CADM2: variants seen among roughly 807,000 people sequenced by gnomAD.
The protein encoded by CADM2 is immunoglobulin superfamily member 4D.
Under a neutral mutation model 49.8 loss-of-function variants are expected in CADM2, and 12 were observed. That is an observed-to-expected ratio of 0.24 (90% CI 0.15 to 0.39). The LOEUF (loss-of-function observed/expected upper bound fraction) is 0.39. Ranked by LOEUF, CADM2 falls within the 10% of genes least tolerant of loss-of-function variation. The pLI is 1.00. For synonymous variants in CADM2, 214 were observed against 175.4 expected (o/e 1.22, Z -1.74); for missense variants, 378 against 492.3 (o/e 0.77, Z 2.20).
At chr3:85,243,799 CT>C (rs1374904348) in intron 1 of CADM2, among the ~76,000 whole-genome samples, 2 of 152,014 alleles carry the variant, frequency 1.3e-5, no homozygotes, top group Admixed American at 1.3e-4. Context: ...TCTTTATGGA[CT>C]TTTCATGATC....
intron 3 of CADM2, among the ~76,000 whole-genome samples, chr3:85,851,376 G>A (rs1385505021): frequency 1.3e-5 from 2 of 151,800 alleles, no homozygotes; most frequent in African/African-American, 4.8e-5. Context: ...GTCTTTTCAT[G>A]TAAAATCACT....
rs375496251 is a variant in CADM2, at chr3:86,064,939, A to T, written c.971-666A>T. Among the ~76,000 whole-genome samples, 12 of 152,320 alleles carry T rather than the reference A, an allele frequency of 7.9e-5. 1 individual carries two copies. In the East Asian group the frequency reaches 1.9e-3, roughly 25 times the overall value. The stretch of plus-strand genomic sequence containing the variant: ...TCTTCCTCTATCAACAGCATTTAAC[A>T]GTCTCAACCCCTGCTTTCCCGCCAA... On this transcript the variant is annotated intron_variant, in intron 8 of 9. Coordinates refer to ENST00000383699, the MANE Select transcript of CADM2 (RefSeq NM_001167675.2).
intron 1 of CADM2, among the ~76,000 whole-genome samples, chr3:85,057,793 T>C (rs1559638745): frequency 6.6e-6 from 1 of 152,186 alleles, no homozygotes; most frequent in Non-Finnish European, 1.5e-5. Context: ...AGCCCTCCTT[T>C]ATTGAATAGT....
chr3:85,066,397 C>T (rs1441356653), intron 1 of CADM2, among the ~76,000 whole-genome samples: 2 of 151,748 alleles, frequency 1.3e-5, no homozygotes, highest in Non-Finnish European at 2.9e-5. Flanking sequence ...AAAAAAAATC[C>T]CCAAAGTGCT....
At chr3:84,999,300 A>G (rs550181795) in intron 1 of CADM2, among the ~76,000 whole-genome samples, 1 of 152,248 alleles carries the variant, frequency 6.6e-6, no homozygotes, top group East Asian at 1.9e-4. Context: ...ATTTTTGTCA[A>G]CCAATCAATA....
At chr3:85,517,017 A>G (rs189184354) in intron 1 of CADM2, among the ~76,000 whole-genome samples, 5 of 152,096 alleles carry the variant, frequency 3.3e-5, no homozygotes, top group Admixed American at 6.5e-5. Flanking sequence ...ACAATTTTCT[A>G]ACAATATATT....
chr3:85,457,151 G>A (rs1282271390), intron 1 of CADM2, among the ~76,000 whole-genome samples: 3 of 152,126 alleles, frequency 2.0e-5, no homozygotes, highest in South Asian at 2.1e-4. Flanking sequence ...AGTGGCTCAC[G>A]CCTGTAATCC....
At chr3:84,970,044 C>CTTTTTTTT (rs33980527) in intron 1 of CADM2, among the ~76,000 whole-genome samples, 2 of 103,564 alleles carry the variant, frequency 1.9e-5, no homozygotes, top group Non-Finnish European at 1.9e-5. Context: ...GACTGACCTG[C>CTTTTTTTT]TTTTTTTTTT....
chr3:85,904,540 TCTTA>T (rs1432806822), intron 5 of CADM2, among the ~76,000 whole-genome samples: 5 of 152,222 alleles, frequency 3.3e-5, no homozygotes, highest in African/African-American at 2.4e-5. Flanking sequence ...CTCTATCTGT[TCTTA>T]CTAAGATTTG....
intron 8 of CADM2, among the ~76,000 whole-genome samples, chr3:85,983,637 TC>T (rs1388340660): frequency 6.6e-6 from 1 of 151,794 alleles, no homozygotes; most frequent in Non-Finnish European, 1.5e-5. Context: ...TGGTAGATTT[TC>T]CCCTATAATT....
chr3:85,856,428 T>C (rs570165866), intron 3 of CADM2, among the ~76,000 whole-genome samples: 94 of 152,314 alleles, frequency 6.2e-4, no homozygotes, highest in African/African-American at 2.3e-3. Flanking sequence ...GCTGTAAGCA[T>C]GACTTATTTA....
chr3:85,467,019 A>G lies in CADM2; in HGVS notation c.62-259503A>G, dbSNP rs192891861. ...ATTCTGTAAATTTTATGTGGAAAAC[A>G]GTGTCACAGTACACATATTGGGGTT... On this transcript the variant is annotated intron_variant, in intron 1 of 9. Transcript: ENST00000383699. Among the ~76,000 whole-genome samples the G allele has an allele frequency of 8.9e-4, 135 of 152,322 alleles. 1 individual carries two copies. The highest frequency in any genetic ancestry group is 3.0e-3 in the African/African-American group (123 of 41,586).
At chr3:86,012,739 C>T (rs1420099038) in intron 8 of CADM2, 3 of 804,086 alleles carry the variant, frequency 3.7e-6, no homozygotes, top group Non-Finnish European at 6.2e-6. Flanking sequence ...CCTGTAATCC[C>T]AGCACTTTGG....
chr3:85,427,196 A>G (rs1305981801), intron 1 of CADM2, among the ~76,000 whole-genome samples: 1 of 112,552 alleles, frequency 8.9e-6, no homozygotes, highest in Non-Finnish European at 2.0e-5. Context: ...ATATATATAT[A>G]TATATGTATA....
chr3:85,421,391 A>C (rs541580067), intron 1 of CADM2, among the ~76,000 whole-genome samples: 2 of 152,258 alleles, frequency 1.3e-5, no homozygotes, highest in East Asian at 3.9e-4. Context: ...ATGAATTTAA[A>C]TTATGGTTGT....
chr3:85,692,161 C>T (rs139764132), intron 1 of CADM2, among the ~76,000 whole-genome samples: 89 of 152,188 alleles, frequency 5.8e-4, no homozygotes, highest in Admixed American at 1.6e-3. Context: ...AGAGATACTG[C>T]CTCTCTCCTG....
chr3:85,789,946 A>G (rs1172028223), intron 2 of CADM2, among the ~76,000 whole-genome samples: 2 of 152,154 alleles, frequency 1.3e-5, no homozygotes, highest in African/African-American at 4.8e-5. Context: ...AAAATCTGAT[A>G]ATGTTTTAAG....
chr3:85,157,682 A>C (rs1281022055), intron 1 of CADM2, among the ~76,000 whole-genome samples: 2 of 151,904 alleles, frequency 1.3e-5, no homozygotes, highest in Non-Finnish European at 2.9e-5. Context: ...CTTATACAAA[A>C]ATCAATTCAA....
intron 3 of CADM2, among the ~76,000 whole-genome samples, chr3:85,833,754 T>C (rs994413698): frequency 6.6e-6 from 1 of 151,682 alleles, no homozygotes; most frequent in Admixed American, 6.6e-5. Flanking sequence ...TTAATTAATA[T>C]AGCTTTGTTA....
Sources: gnomAD v4.1 joint callset for allele counts (sites outside exome capture counted in the v4.1 genomes callset) on GRCh38, gnomAD v4.1.1 for gene constraint, MANE v1.5 for transcripts, NCBI Gene and HGNC (gene_info 2026-07-23, HGNC 2026-07-21) for gene names.